The following HELZ2 variants were observed in gnomAD, a reference collection of about 807,000 sequenced individuals.
HELZ2 encodes the protein helicase with zinc finger 2.
A neutral mutation model predicts 208.8 loss-of-function variants in HELZ2; 143 were observed. The observed-to-expected ratio is 0.68, with a 90% CI of 0.60 to 0.79. HELZ2 has a LOEUF of 0.79. Among genes scored for constraint, HELZ2 ranks in the 30% least tolerant of loss-of-function variants. The pLI is 0.00. For synonymous variants in HELZ2, 1,705 were observed against 1,693.7 expected, an observed-to-expected ratio of 1.01 and a Z score of -0.16; for missense variants, 3,690 against 3,794.5, an observed-to-expected ratio of 0.97 and a Z score of 0.72.
rs758468328 is a variant in HELZ2, at chr20:63,567,636, G to T, written c.1731-9C>A. 13 of 1,596,762 alleles carry T rather than the reference G, an allele frequency of 8.1e-6. No homozygotes were observed. The African/African-American group carries it at 1.2e-4, about 15-fold the overall frequency. On this transcript the variant is annotated splice_polypyrimidine_tract_variant and intron_variant, in intron 5 of 18. Transcript: ENST00000467148. ...TGTAGATGTCGGCGGCACTGCGGGA[G>T]GGGGAGGAGCTCATGGGCTTCTTGC...
exon 8 of HELZ2, chr20:63,566,121 C>T (rs765234909): frequency 2.0e-5 from 32 of 1,579,120 alleles, no homozygotes; most frequent in Admixed American, 6.9e-5. Flanking sequence ...CGGGTCAGGA[C>T]GGTGTTGAGC....
chr20:63,567,780 G>C, intron 5 of HELZ2, 153 bp from the exon 7 acceptor site: 1 of 1,446,622 alleles, frequency 6.9e-7, no homozygotes, highest in South Asian at 1.4e-5. Flanking sequence ...CCTCCTGTCA[G>C]GAGTCCAAGG....
chr20:63,565,796 G>C (rs767601562), exon 8 of HELZ2: 6 of 1,599,818 alleles, frequency 3.8e-6, no homozygotes, highest in African/African-American at 1.3e-5. Context: ...GATGTCACGG[G>C]ATGCTGGGCT....
In HELZ2 at chr20:63,561,067, C is replaced by A. The variant is rs756779918; in HGVS notation, c.7146+15G>T. Reference sequence around the variant, plus strand: ...GGACGCCTGCTCATGCTGCCCACACCCCCCGCCGACCAACCTTCTCGGCCT... The same window carrying A: ...GGACGCCTGCTCATGCTGCCCACACACCCCGCCGACCAACCTTCTCGGCCT... On this transcript the variant is annotated intron_variant, in intron 14 of 18. Coordinates refer to ENST00000467148, the Ensembl canonical transcript of HELZ2. 112 of 1,605,252 alleles carry A rather than the reference C, an allele frequency of 7.0e-5. No individual in the cohort carries two copies. The highest frequency in any genetic ancestry group is 9.4e-5 in the Non-Finnish European group (111 of 1,175,102).
chr20:63,569,034 C>T (rs756997025), intron 4 of HELZ2, 35 bp from the exon 6 acceptor site: 2 of 1,596,928 alleles, frequency 1.3e-6, no homozygotes, highest in East Asian at 4.5e-5. Context: ...CATGGGGCCA[C>T]AGCTGCCAGC....
At chr20:63,563,619 C>T (rs1344544550) in exon 8 of HELZ2, 2 of 1,541,228 alleles carry the variant, frequency 1.3e-6, no homozygotes. Flanking sequence ...AGAGGCTGGG[C>T]CTTGAGCTGC....
rs2082987697 is a variant in HELZ2, at chr20:63,568,590, T to TG, written c.1497dup (p.Thr500HisfsTer67). ...GACCAAGGTCTGGGCAGGGCGCAGG[T>TG]GGGCAAGTCGGGCACCACCAGCTGC... On this transcript the variant is annotated frameshift_variant, in exon 5 of 19. Coordinates refer to ENST00000467148, the Ensembl canonical transcript of HELZ2. LOFTEE classifies it high-confidence loss of function. The TG allele has an allele frequency of 6.3e-7, 1 of 1,594,932 alleles. No homozygotes were observed. Among genetic ancestry groups the TG allele is most frequent in the Non-Finnish European group, 8.5e-7 (1 of 1,175,042 alleles).
chr20:63,573,810 G>C (rs565109629), upstream of HELZ2, among the ~76,000 whole-genome samples: 252 of 152,242 alleles, frequency 1.7e-3, 2 homozygotes, highest in African/African-American at 5.8e-3. This position sits in a 1 kb window ranked among gnomAD's most constrained non-coding sequence, Gnocchi z 4.9. Flanking sequence ...TACAAGAAGA[G>C]TAAGTTTAAA....
At chr20:63,569,342 G>T in exon 4 of HELZ2, 1 of 1,602,796 alleles carries the variant, frequency 6.2e-7, no homozygotes. Flanking sequence ...CCACGTGGCG[G>T]TTGCCAGTGT....
In HELZ2 at chr20:63,559,587, G is replaced by A. The variant is rs2082859232; in HGVS notation, c.7826-217C>T. On this transcript the variant is annotated intron_variant, in intron 18 of 18. Transcript: ENST00000467148. ...GTCAGGGTCAGGTGGGAGGAGTCAG[G>A]GTCAGGTGGGAGGAGTCAGGGTCAG... Among the ~76,000 whole-genome samples the A allele has an allele frequency of 2.5e-5, 2 of 80,336 alleles. 1 individual carries two copies. The highest frequency in any genetic ancestry group is 1.0e-3 in the South Asian group (2 of 1,918). The allele number at this position is 80,336 out of a possible 152,430, so 52.7% of individuals were successfully genotyped here. A position where few individuals can be genotyped will look rare whatever the true frequency, so the allele number is the denominator to read the frequency against.
exon 8 of HELZ2, chr20:63,563,838 A>C: frequency 6.3e-7 from 1 of 1,597,118 alleles, no homozygotes; most frequent in Non-Finnish European, 8.5e-7. Context: ...ACCTGCAGCG[A>C]GTAGTGGCCG....
Position 63,561,281 on chromosome 20 carries a change from G to C in HELZ2, c.6954-7C>G, listed in dbSNP as rs775718365. On this transcript the variant is annotated splice_polypyrimidine_tract_variant and splice_region_variant and intron_variant, in intron 13 of 18. Transcript: ENST00000467148. ...CCACAAGACCTTCTTGTACCTGCCG[G>C]GGACACTGCTTGTCACCCCAGGGCC... The C allele has an allele frequency of 2.8e-5, 45 of 1,612,366 alleles. No individual in the cohort carries two copies. Among genetic ancestry groups the C allele is most frequent in the Non-Finnish European group, 3.6e-5 (43 of 1,179,686 alleles).
At chr20:63,559,116 GC>G, downstream of HELZ2, 1 of 1,029,996 alleles carries the variant, frequency 9.7e-7, no homozygotes, top group Non-Finnish European at 1.3e-6. Flanking sequence ...CCCACTTCCT[GC>G]CCCAGGGAGA....
chr20:63,564,894 G>A (rs2082933591), exon 8 of HELZ2: 1 of 1,612,224 alleles, frequency 6.2e-7, no homozygotes, highest in African/African-American at 1.3e-5. Context: ...TGGTCCGACG[G>A]GGGCACCCTC....
exon 2 of HELZ2, chr20:63,570,716 T>C (rs369632092): frequency 1.4e-6 from 2 of 1,433,994 alleles, no homozygotes; most frequent in African/African-American, 1.5e-5. Context: ...GCGCTGGTAC[T>C]CGGCCAGCAG....
chr20:63,567,287 C>T (rs750278128), exon 6 of HELZ2: 5 of 1,609,906 alleles, frequency 3.1e-6, no homozygotes, highest in South Asian at 1.1e-5. Context: ...CCCGCCAGCA[C>T]GAGGCGGGTG....
intron 11 of HELZ2, 25 bp from the exon 13 acceptor site, chr20:63,561,770 T>A (rs764106249): frequency 3.8e-6 from 6 of 1,570,354 alleles, no homozygotes; most frequent in Non-Finnish European, 2.6e-6. Context: ...GGGACGTGAG[T>A]CCTGCCCCGC....
chr20:63,563,194 C>A, exon 8 of HELZ2: 1 of 1,587,424 alleles, frequency 6.3e-7, no homozygotes, highest in Admixed American at 1.7e-5. Context: ...CACTGCCCAG[C>A]TCCCGGGCCA....
chr20:63,562,367 G>A (rs760697909), exon 9 of HELZ2: 38 of 1,590,270 alleles, frequency 2.4e-5, no homozygotes, highest in Middle Eastern at 1.7e-4. Context: ...GTCCACGCAC[G>A]GCTTCCTCCT....
Sources: gnomAD v4.1 joint callset for allele counts (sites outside exome capture counted in the v4.1 genomes callset) on GRCh38, gnomAD v4.1.1 for gene constraint, Gnocchi (gnomAD v3.1) non-coding constraint, MANE v1.5 for transcripts, NCBI Gene and HGNC (gene_info 2026-07-23, HGNC 2026-07-21) for gene names.